Variants in LHFPL3 observed in about 807,000 individuals in gnomAD.
LHFPL3 encodes the protein LHFPL tetraspan subfamily member 3.
A neutral mutation model predicts 19.3 loss-of-function variants in LHFPL3; 5 were observed. The observed-to-expected ratio is 0.26, with a 90% CI of 0.14 to 0.54. LHFPL3 has a LOEUF of 0.54. LHFPL3 is among the 20% of genes least tolerant of loss of function. LHFPL3 has a pLI of 0.94. For synonymous variants in LHFPL3, 133 were observed against 126.2 expected (o/e 1.05, Z -0.36); for missense variants, 249 against 307.4 (o/e 0.81, Z 1.42).
intron 1 of LHFPL3, among the ~76,000 whole-genome samples, chr7:104,735,360 T>C (rs1017354831): frequency 1.3e-5 from 2 of 152,340 alleles, no homozygotes; most frequent in South Asian, 2.1e-4. Flanking sequence ...TGCGGTGGGC[T>C]CCACCCAGTT....
At chr7:104,686,088 A>C (rs1792799208) in intron 1 of LHFPL3, among the ~76,000 whole-genome samples, 1 of 152,244 alleles carries the variant, frequency 6.6e-6, no homozygotes, top group South Asian at 2.1e-4. Flanking sequence ...ATCTGAGCAA[A>C]GCACTATCAG....
chr7:104,785,980 T>G (rs1789902975), intron 2 of LHFPL3, among the ~76,000 whole-genome samples: 2 of 152,180 alleles, frequency 1.3e-5, no homozygotes, highest in African/African-American at 2.4e-5. Flanking sequence ...GCAAACACAC[T>G]TGCCCTCTGC....
chr7:104,585,522 C>CACACACACACACAT (rs1790556820), intron 1 of LHFPL3, among the ~76,000 whole-genome samples: 1 of 149,952 alleles, frequency 6.7e-6, no homozygotes, highest in Non-Finnish European at 1.5e-5. Context: ...CACACACACA[C>CACACACACACACAT]GGCCTTGTCC....
At chr7:104,610,534 GT>G (rs1791193629) in intron 1 of LHFPL3, among the ~76,000 whole-genome samples, 1 of 152,122 alleles carries the variant, frequency 6.6e-6, no homozygotes, top group South Asian at 2.1e-4. Flanking sequence ...TCCTGTGTGG[GT>G]CCACAGGCTT....
intron 1 of LHFPL3, among the ~76,000 whole-genome samples, chr7:104,330,388 A>G (rs1045134628): frequency 6.6e-6 from 1 of 152,188 alleles, no homozygotes; most frequent in Admixed American, 6.5e-5. Flanking sequence ...AGATGTTTCA[A>G]GATTTTGTCG....
At chr7:104,554,236 A>G (rs1339356651) in intron 1 of LHFPL3, among the ~76,000 whole-genome samples, 1 of 152,032 alleles carries the variant, frequency 6.6e-6, no homozygotes, top group Non-Finnish European at 1.5e-5. Context: ...TCCTAATCTC[A>G]GTTAATTCAA....
chr7:104,440,516 A>G (rs933662502), intron 1 of LHFPL3, among the ~76,000 whole-genome samples: 5 of 152,122 alleles, frequency 3.3e-5, no homozygotes, highest in Non-Finnish European at 7.4e-5. Flanking sequence ...ATACATATGT[A>G]ACAAACCTGC....
At chr7:104,584,211 A>G (rs955384354) in intron 1 of LHFPL3, among the ~76,000 whole-genome samples, 22 of 152,226 alleles carry the variant, frequency 1.4e-4, no homozygotes, top group Admixed American at 2.0e-4. Flanking sequence ...CGCAAGGACA[A>G]AAAACCAAAC....
Position 104,503,784 on chromosome 7 carries a change from G to T in LHFPL3, c.445+174560G>T, listed in dbSNP as rs567939625. 2.1e-4 allele frequency among the ~76,000 whole-genome samples: 32 copies of T among 152,148 alleles called. 1 individual carries two copies. Among genetic ancestry groups the T allele is most frequent in the African/African-American group, 7.7e-4 (32 of 41,498 alleles). Reference sequence around the variant, plus strand: ...GGGGTTTTGCCAGATTGCCTAGGCTGGTCTCAAACTCCAGGGCTCAAGCAA... The same window carrying T: ...GGGGTTTTGCCAGATTGCCTAGGCTTGTCTCAAACTCCAGGGCTCAAGCAA... On this transcript the variant is annotated intron_variant, in intron 1 of 2. Coordinates refer to ENST00000424859, the MANE Select transcript of LHFPL3 (RefSeq NM_199000.3).
At chr7:104,607,125 T>C (rs1330026242) in intron 1 of LHFPL3, among the ~76,000 whole-genome samples, 3 of 152,184 alleles carry the variant, frequency 2.0e-5, no homozygotes, top group African/African-American at 7.2e-5. Context: ...AATCCTAACC[T>C]TGGGGCCTTT....
chr7:104,549,259 T>C (rs989198989), intron 1 of LHFPL3, among the ~76,000 whole-genome samples: 1 of 151,936 alleles, frequency 6.6e-6, no homozygotes, highest in Admixed American at 6.6e-5. Context: ...TCTCTCTCCA[T>C]ATGCACACAT....
intron 1 of LHFPL3, among the ~76,000 whole-genome samples, chr7:104,461,613 G>A (rs1562904736): frequency 1.3e-5 from 2 of 152,036 alleles, no homozygotes; most frequent in Admixed American, 6.6e-5. Flanking sequence ...TGTAGCCCTG[G>A]AGTGTAGTTT....
chr7:104,558,717 C>G (rs1562934122), intron 1 of LHFPL3, among the ~76,000 whole-genome samples: 1 of 150,390 alleles, frequency 6.6e-6, no homozygotes, highest in Non-Finnish European at 1.5e-5. Flanking sequence ...GCTTTTGTTG[C>G]CATTGCTTTT....
rs890095107 is a variant in LHFPL3, at chr7:104,906,387, G to A, written c.*172G>A. ...CTTGTCAACGCACTTTCTAAATCTA[G>A]ATCAGCAGAGATGGGAGTGATTTTC... is the stretch of plus-strand genomic sequence containing the variant. On this transcript the variant is annotated 3_prime_UTR_variant, in exon 3 of 3. Coordinates refer to ENST00000424859, the MANE Select transcript of LHFPL3 (RefSeq NM_199000.3). 10 of 706,618 alleles carry A rather than the reference G, an allele frequency of 1.4e-5. No homozygotes were observed. In the East Asian group the frequency reaches 2.8e-4, roughly 20 times the overall value. The allele number at this position is 706,618 out of a possible 1,614,324, so 43.8% of individuals were successfully genotyped here. A position where few individuals can be genotyped will look rare whatever the true frequency, so the allele number is the denominator to read the frequency against.
chr7:104,732,545 G>T (rs1793725000), intron 1 of LHFPL3, among the ~76,000 whole-genome samples: 1 of 152,122 alleles, frequency 6.6e-6, no homozygotes, highest in African/African-American at 2.4e-5. Context: ...ATGGTATTTT[G>T]TCTTTCTGTG....
At chr7:104,540,250 A>T (rs1370016633) in intron 1 of LHFPL3, among the ~76,000 whole-genome samples, 1 of 152,224 alleles carries the variant, frequency 6.6e-6, no homozygotes, top group Non-Finnish European at 1.5e-5. Flanking sequence ...AATAAAAAAA[A>T]AACTATAATG....
chr7:104,846,617 T>G (rs1338411824), intron 2 of LHFPL3, among the ~76,000 whole-genome samples: 2 of 151,812 alleles, frequency 1.3e-5, no homozygotes, highest in South Asian at 4.1e-4. Context: ...GAGCCTGGAT[T>G]AAAACTTTAT....
chr7:104,538,292 A>G (rs148792015), intron 1 of LHFPL3, among the ~76,000 whole-genome samples: 11 of 152,312 alleles, frequency 7.2e-5, no homozygotes, highest in African/African-American at 2.6e-4. Flanking sequence ...CCTAACCATG[A>G]AAGTCCCGAG....
At chr7:104,568,331 T>G (rs188044047) in intron 1 of LHFPL3, among the ~76,000 whole-genome samples, 8 of 152,362 alleles carry the variant, frequency 5.3e-5, no homozygotes, top group African/African-American at 1.9e-4. Context: ...TGTGTTTTGC[T>G]CATCTTCCTC....
Sources: allele counts gnomAD v4.1 joint callset (sites outside exome capture counted in the v4.1 genomes callset), GRCh38; gene constraint gnomAD v4.1.1; transcripts MANE v1.5; gene names NCBI Gene and HGNC (gene_info 2026-07-23, HGNC 2026-07-21).